CTNNA3: variants seen among roughly 807,000 people sequenced by gnomAD.
CTNNA3 encodes catenin alpha-3.
Under a neutral mutation model 95.7 loss-of-function variants are expected in CTNNA3, and 76 were observed. The observed-to-expected ratio is 0.79, with a 90% confidence interval of 0.66 to 0.96. CTNNA3 has a LOEUF of 0.96. Ranked by LOEUF, CTNNA3 falls within the 40% of genes least tolerant of loss-of-function variation. CTNNA3 has a pLI of 0.00. For synonymous variants in CTNNA3, 431 were observed against 374.4 expected (o/e 1.15, Z -1.74); for missense variants, 1,191 against 1,089.8 (o/e 1.09, Z -1.31).
At chr10:66,659,886 A>G (rs1412636620) in intron 9 of CTNNA3, among the ~76,000 whole-genome samples, 2 of 152,186 alleles carry the variant, frequency 1.3e-5, no homozygotes, top group African/African-American at 2.4e-5. Flanking sequence ...GTTTTATAGC[A>G]GCCCAAATAG....
chr10:67,004,415 T>C (rs569394783), intron 7 of CTNNA3, among the ~76,000 whole-genome samples: 2 of 152,356 alleles, frequency 1.3e-5, no homozygotes, highest in African/African-American at 4.8e-5. Context: ...CCTGTTAAAA[T>C]GATGACACAT....
chr10:66,489,796 G>A (rs945875787), intron 11 of CTNNA3, among the ~76,000 whole-genome samples: 14 of 152,144 alleles, frequency 9.2e-5, no homozygotes, highest in Admixed American at 1.3e-4. Flanking sequence ...GTTAATGACT[G>A]GCAATTACAG....
intron 7 of CTNNA3, among the ~76,000 whole-genome samples, chr10:67,169,718 G>C (rs1861931427): frequency 6.6e-6 from 1 of 152,110 alleles, no homozygotes; most frequent in South Asian, 2.1e-4. Context: ...ACATAGGAAT[G>C]GGCAAAGATG....
intron 7 of CTNNA3, among the ~76,000 whole-genome samples, chr10:66,835,849 G>C (rs1181003003): frequency 6.6e-6 from 1 of 152,072 alleles, no homozygotes; most frequent in Non-Finnish European, 1.5e-5. Flanking sequence ...CTTGTTAAAG[G>C]GGAATCCTGA....
chr10:66,182,446 G>A (rs2086098043), intron 13 of CTNNA3, among the ~76,000 whole-genome samples: 1 of 151,864 alleles, frequency 6.6e-6, no homozygotes, highest in Non-Finnish European at 1.5e-5. Flanking sequence ...TAGTAGAGAC[G>A]GGGTTTCACC....
chr10:67,607,008 C>T lies in CTNNA3; in HGVS notation c.141G>A (p.Arg47=), dbSNP rs868542587. 1.2e-6 allele frequency: 2 copies of T among 1,613,872 alleles called. No individual in the cohort carries two copies. Among genetic ancestry groups the T allele is most frequent in the African/African-American group, 2.7e-5 (2 of 74,892 alleles). Residue 47 remains arginine, a synonymous_variant, in exon 3 of 18, where the codon AGG becomes AGA. Transcript: ENST00000433211. The part of the protein sequence containing the change: ...LVNCPQNPSS[R]KKGRSKRASV... ...TGGCTCTTTTCGAACGTCCTTTTTTCCTGCTGGAAGGGTTCTGGGGACAGT... is the reference window on the plus strand; with the variant it reads ...TGGCTCTTTTCGAACGTCCTTTTTTTCTGCTGGAAGGGTTCTGGGGACAGT...
rs182844702 is a variant in CTNNA3, at chr10:66,874,330, C to A, written c.1048-98806G>T. Among the ~76,000 whole-genome samples, 400 of 152,224 alleles carry A rather than the reference C, an allele frequency of 2.6e-3. 2 individuals carry two copies. Among genetic ancestry groups the A allele is most frequent in the African/African-American group, 9.1e-3 (378 of 41,550 alleles). On this transcript the variant is annotated intron_variant, in intron 7 of 17. Transcript: ENST00000433211. Reference sequence around the variant, plus strand: ...GTATTCACAGGGCTGCAAAAAGGAACAATTCCCAATTGAACCTCTTACAAG... The same window carrying A: ...GTATTCACAGGGCTGCAAAAAGGAAAAATTCCCAATTGAACCTCTTACAAG...
At chr10:67,393,926 A>G (rs551870763) in intron 5 of CTNNA3, among the ~76,000 whole-genome samples, 2 of 152,308 alleles carry the variant, frequency 1.3e-5, no homozygotes, top group Admixed American at 6.5e-5. Flanking sequence ...TTCAGGATGG[A>G]CTGATAATCA....
intron 4 of CTNNA3, among the ~76,000 whole-genome samples, chr10:67,538,300 G>C (rs969754941): frequency 2.0e-5 from 3 of 152,004 alleles, no homozygotes; most frequent in Non-Finnish European, 4.4e-5. Context: ...ATGTGGCTGG[G>C]AGCACTGGCT....
chr10:67,568,756 C>T (rs1009869071), intron 3 of CTNNA3, among the ~76,000 whole-genome samples: 2 of 152,078 alleles, frequency 1.3e-5, no homozygotes, highest in African/African-American at 2.4e-5. Context: ...GCTCCATCTA[C>T]TTGTTCAACA....
At chr10:67,285,113 T>C (rs919516645) in intron 5 of CTNNA3, among the ~76,000 whole-genome samples, 4 of 152,210 alleles carry the variant, frequency 2.6e-5, no homozygotes, top group Admixed American at 2.6e-4. Context: ...AAGTACACGT[T>C]ATTAAACTTC....
At position 66,626,224 on chromosome 10, in the gene CTNNA3, C is replaced by A. The variant is rs79788762; in HGVS notation, c.1282-4440G>T. On this transcript the variant is annotated intron_variant, in intron 9 of 17. Coordinates refer to ENST00000433211, the MANE Select transcript of CTNNA3 (RefSeq NM_013266.4). ...GTTAGGAATGAGTACACTATTTGGA[C>A]AGCTGCTTATCACATATCATTCAGT... 5.9e-5 allele frequency among the ~76,000 whole-genome samples: 9 copies of A among 152,200 alleles called. No individual in the cohort carries two copies. In the East Asian group the frequency reaches 1.7e-3, roughly 29 times the overall value.
At chr10:66,212,210 A>C (rs952666179) in intron 13 of CTNNA3, among the ~76,000 whole-genome samples, 3 of 151,818 alleles carry the variant, frequency 2.0e-5, no homozygotes, top group African/African-American at 7.3e-5. Context: ...GGCTGATCTC[A>C]AACTCCTGAC....
At chr10:67,266,483 TAGC>T (rs1340906121) in intron 5 of CTNNA3, among the ~76,000 whole-genome samples, 1 of 152,130 alleles carries the variant, frequency 6.6e-6, no homozygotes, top group Non-Finnish European at 1.5e-5. Flanking sequence ...ATATTCTAGA[TAGC>T]AGTTAGAATA....
chr10:66,624,896 G>T (rs111426016), intron 9 of CTNNA3, among the ~76,000 whole-genome samples: 2 of 152,256 alleles, frequency 1.3e-5, no homozygotes, highest in South Asian at 4.1e-4. Flanking sequence ...GCATTGAAAT[G>T]ATTGACCAGA....
At chr10:66,810,679 T>C (rs1293377068) in intron 7 of CTNNA3, among the ~76,000 whole-genome samples, 1 of 152,170 alleles carries the variant, frequency 6.6e-6, no homozygotes, top group Non-Finnish European at 1.5e-5. Context: ...ATAAGTAAGA[T>C]CTGTGTAACC....
chr10:65,929,870 C>A (rs919973723), intron 17 of CTNNA3, among the ~76,000 whole-genome samples: 14 of 151,968 alleles, frequency 9.2e-5, no homozygotes, highest in Non-Finnish European at 1.6e-4. Context: ...CTGGCCAAAG[C>A]TATAGCTTTT....
At chr10:67,724,823 G>C (rs1486426404) in intron 1 of CTNNA3, among the ~76,000 whole-genome samples, 1 of 152,124 alleles carries the variant, frequency 6.6e-6, no homozygotes, top group Non-Finnish European at 1.5e-5. Flanking sequence ...TGTAGGATCA[G>C]TCCTTATCCA....
chr10:66,100,810 A>G (rs1159385378), intron 14 of CTNNA3, among the ~76,000 whole-genome samples: 1 of 152,204 alleles, frequency 6.6e-6, no homozygotes, highest in Non-Finnish European at 1.5e-5. Flanking sequence ...TAATGTGGAA[A>G]TTTTTGAAAC....
Sources: allele counts gnomAD v4.1 joint callset (sites outside exome capture counted in the v4.1 genomes callset), GRCh38; gene constraint gnomAD v4.1.1; transcripts MANE v1.5; gene names NCBI Gene and HGNC (gene_info 2026-07-23, HGNC 2026-07-21).